ARHGAP26: variants seen among roughly 807,000 people sequenced by gnomAD.
The protein encoded by ARHGAP26 is Rho GTPase activating protein 26.
In ARHGAP26, 38 loss-of-function variants were observed where a neutral mutation model predicts 104.8. The observed-to-expected ratio is 0.36, with a 90% confidence interval of 0.28 to 0.48. The LOEUF (loss-of-function observed/expected upper bound fraction) is 0.48. ARHGAP26 is among the 20% of genes least tolerant of loss of function. The pLI is 0.99. For synonymous variants in ARHGAP26, 341 were observed against 340.0 expected, an observed-to-expected ratio of 1.00 and a Z score of -0.03; for missense variants, 704 against 947.9, an observed-to-expected ratio of 0.74 and a Z score of 3.38.
intron 14 of ARHGAP26, among the ~76,000 whole-genome samples, chr5:143,048,607 G>C (rs551798256): frequency 6.6e-6 from 1 of 151,016 alleles, no homozygotes; most frequent in African/African-American, 2.4e-5. Context: ...TTTTCTAAAC[G>C]AATTATGCCA....
intron 1 of ARHGAP26, among the ~76,000 whole-genome samples, chr5:142,785,484 G>C (rs1015219909): frequency 1.3e-5 from 2 of 152,194 alleles, no homozygotes; most frequent in African/African-American, 4.8e-5. Context: ...TGTCTTGTCT[G>C]TCCCTTGGTG....
chr5:142,775,468 T>G (rs74934115), intron 1 of ARHGAP26, among the ~76,000 whole-genome samples: 3,612 of 152,324 alleles, frequency 0.024, 125 homozygotes, highest in African/African-American at 0.069. Context: ...TGTCGAGGTT[T>G]GTTTGTTGTA....
intron 20 of ARHGAP26, among the ~76,000 whole-genome samples, chr5:143,171,327 C>CA (rs1158776897): frequency 6.6e-6 from 1 of 152,162 alleles, no homozygotes; most frequent in Non-Finnish European, 1.5e-5. Flanking sequence ...GTGTGACCCC[C>CA]AGCCAACAAG....
chr5:143,044,371 C>G (rs963144600), intron 14 of ARHGAP26, among the ~76,000 whole-genome samples: 1 of 152,084 alleles, frequency 6.6e-6, no homozygotes, highest in Non-Finnish European at 1.5e-5. Flanking sequence ...GTGGGAGTGT[C>G]CCAGACAGGT....
At chr5:142,806,287 G>A (rs781220929) in intron 1 of ARHGAP26, among the ~76,000 whole-genome samples, 10 of 152,086 alleles carry the variant, frequency 6.6e-5, no homozygotes, top group Admixed American at 1.3e-4. Context: ...TTGTAGAAAC[G>A]GAATCTCACT....
At chr5:143,165,665 C>A (rs1316954374) in intron 20 of ARHGAP26, among the ~76,000 whole-genome samples, 2 of 152,130 alleles carry the variant, frequency 1.3e-5, no homozygotes, top group Non-Finnish European at 2.9e-5. Flanking sequence ...TACCCATCAC[C>A]CAATAATGAA....
At chr5:142,937,170 A>C (rs1321068097) in intron 11 of ARHGAP26, among the ~76,000 whole-genome samples, 1 of 151,950 alleles carries the variant, frequency 6.6e-6, no homozygotes, top group East Asian at 1.9e-4. Context: ...ATCTAGGATT[A>C]AATAAATAAA....
intron 1 of ARHGAP26, among the ~76,000 whole-genome samples, chr5:142,846,145 C>T (rs549987492): frequency 7.4e-4 from 113 of 152,346 alleles, no homozygotes; most frequent in African/African-American, 2.7e-3. Context: ...CCATTGTCTG[C>T]TCACATTTAT....
intron 1 of ARHGAP26, among the ~76,000 whole-genome samples, chr5:142,801,913 G>C (rs937507419): frequency 2.6e-5 from 4 of 152,198 alleles, no homozygotes; most frequent in Admixed American, 6.5e-5. Context: ...TCTGTGTGCA[G>C]AGTTGCCTTC....
intron 20 of ARHGAP26, among the ~76,000 whole-genome samples, chr5:143,160,898 G>A (rs559804245): frequency 4.1e-4 from 63 of 152,224 alleles, no homozygotes; most frequent in African/African-American, 1.4e-3. Context: ...AGTGTAGTAA[G>A]TGGTAACTGT....
chr5:143,017,375 A>G lies in ARHGAP26; in HGVS notation c.1144+3259A>G, dbSNP rs1429416453. On this transcript the variant is annotated intron_variant, in intron 12 of 22. Coordinates refer to ENST00000645722, the MANE Select transcript of ARHGAP26 (RefSeq NM_001135608.3). Reference sequence around the variant, plus strand: ...TGCCAGGGAGAGGATGGCAGCTGATAAATATATGTACATTTCTTTGCAGAG... The same window carrying G: ...TGCCAGGGAGAGGATGGCAGCTGATGAATATATGTACATTTCTTTGCAGAG... Among the ~76,000 whole-genome samples the G allele has an allele frequency of 2.6e-5, 4 of 152,154 alleles. No homozygotes were observed. In the East Asian group the frequency reaches 7.7e-4, roughly 29 times the overall value.
At chr5:143,178,200 A>C (rs567712065) in intron 20 of ARHGAP26, among the ~76,000 whole-genome samples, 2 of 151,780 alleles carry the variant, frequency 1.3e-5, no homozygotes, top group South Asian at 4.2e-4. Flanking sequence ...GGATTTCACT[A>C]TGTTGGCCAG....
intron 20 of ARHGAP26, among the ~76,000 whole-genome samples, chr5:143,175,041 T>C (rs1422350255): frequency 6.6e-6 from 1 of 152,246 alleles, no homozygotes; most frequent in Non-Finnish European, 1.5e-5. Context: ...ACCTGTGTGC[T>C]CCGAATACAT....
chr5:142,901,844 T>C, intron 6 of ARHGAP26, 91 bp from the exon 7 acceptor site: 1 of 1,022,246 alleles, frequency 9.8e-7, no homozygotes. Context: ...TATTTTAGAC[T>C]TTCAAGCCAG....
At chr5:143,088,521 A>G (rs1465209980) in intron 17 of ARHGAP26, among the ~76,000 whole-genome samples, 3 of 152,206 alleles carry the variant, frequency 2.0e-5, no homozygotes, top group Non-Finnish European at 2.9e-5. Flanking sequence ...AGGACCTCCT[A>G]TAACATTTAA....
intron 11 of ARHGAP26, among the ~76,000 whole-genome samples, chr5:142,935,325 C>G (rs1470211049): frequency 6.6e-6 from 1 of 152,148 alleles, no homozygotes; most frequent in Non-Finnish European, 1.5e-5. Context: ...TTATTAAAAA[C>G]ATGGGTCAGT....
intron 22 of ARHGAP26, chr5:143,216,415 C>T: frequency 2.4e-6 from 1 of 418,570 alleles, no homozygotes; most frequent in Non-Finnish European, 4.9e-6. Context: ...TTACAAGGCC[C>T]TCCAGGGCCC....
At chr5:142,894,500 G>A (rs577487781) in intron 6 of ARHGAP26, 152 bp downstream of exon 6, 9 of 692,308 alleles carry the variant, frequency 1.3e-5, no homozygotes, top group Non-Finnish European at 2.0e-5. Flanking sequence ...TGCGAGCCTG[G>A]CTGCCTTGGA....
chr5:143,136,128 T>C (rs1247888546), intron 19 of ARHGAP26, among the ~76,000 whole-genome samples: 1 of 152,192 alleles, frequency 6.6e-6, no homozygotes, highest in Middle Eastern at 3.2e-3. Context: ...GGGTATGTGG[T>C]TAGAATGAAG....
Sources: allele counts gnomAD v4.1 joint callset (sites outside exome capture counted in the v4.1 genomes callset), GRCh38; gene constraint gnomAD v4.1.1; transcripts MANE v1.5; gene names NCBI Gene and HGNC (gene_info 2026-07-23, HGNC 2026-07-21).